PTPRS: variants seen among roughly 807,000 people sequenced by gnomAD.
PTPRS encodes the protein protein tyrosine phosphatase receptor type S.
Under a neutral mutation model 215.3 loss-of-function variants are expected in PTPRS, and 63 were observed. That is an observed-to-expected ratio of 0.29 (90% CI 0.24 to 0.36). The LOEUF (loss-of-function observed/expected upper bound fraction) is 0.36. PTPRS is among the 10% of genes least tolerant of loss of function. The probability of loss-of-function intolerance (pLI) is 1.00; values close to 1 mark genes in which losing one functional copy is unlikely to be tolerated. For synonymous variants in PTPRS, 1,404 were observed against 1,191.4 expected, an observed-to-expected ratio of 1.18 and a Z score of -3.68; for missense variants, 2,258 against 2,825.8, an observed-to-expected ratio of 0.80 and a Z score of 4.56.
chr19:5,313,422 G>A (rs2147167794), intron 1 of PTPRS, among the ~76,000 whole-genome samples: 1 of 152,350 alleles, frequency 6.6e-6, no homozygotes, highest in African/African-American at 2.4e-5. Flanking sequence ...AATCCACGCA[G>A]TCAGCACACA....
chr19:5,266,185 G>A (rs1358386317), intron 4 of PTPRS, among the ~76,000 whole-genome samples: 1 of 151,998 alleles, frequency 6.6e-6, no homozygotes, highest in Non-Finnish European at 1.5e-5. Context: ...CTTGAACCCG[G>A]GAGACGGAGG....
rs183686217 is a variant in PTPRS at position 5,257,279 on chromosome 19, C to T, written c.706+738G>A. 7 of 370,088 alleles carry T rather than the reference C, an allele frequency of 1.9e-5. No homozygotes were observed. The East Asian group carries it at 3.2e-4, about 17-fold the overall frequency. 22.9% of individuals were successfully genotyped at this position (370,088 alleles called of 1,614,324 possible). ...GGGAGGTGCTGGGGCGAGGCCCCCA[C>T]GCTGCTGGGCATGACTGAGTGGGAA... On this transcript the variant is annotated intron_variant, in intron 8 of 37. Transcript: ENST00000262963. This position sits in a 1 kb window ranked among gnomAD's most constrained non-coding sequence, Gnocchi z 4.4.
rs1213773396 is a variant in PTPRS at position 5,271,538 on chromosome 19, T to A, written c.379+1904A>T. ...CCTCAGCCTCCCGAATAGCTGGGAT[T>A]ACAGGTGCCCACCATCACGTTCAGC... On this transcript the variant is annotated intron_variant, in intron 4 of 37. Transcript: ENST00000262963. Among the ~76,000 whole-genome samples the A allele has an allele frequency of 3.3e-5, 5 of 151,730 alleles. No homozygotes were observed. In the East Asian group the frequency reaches 9.7e-4, roughly 29 times the overall value.
At chr19:5,316,974 C>T (rs1160280358) in intron 1 of PTPRS, among the ~76,000 whole-genome samples, 1 of 152,184 alleles carries the variant, frequency 6.6e-6, no homozygotes, top group African/African-American at 2.4e-5. Context: ...CACGCTGAGA[C>T]GTCTGTTCTG....
In PTPRS at chr19:5,271,649, T is replaced by G. The variant is rs928810519; in HGVS notation, c.379+1793A>C. Among the ~76,000 whole-genome samples the G allele has an allele frequency of 2.6e-5, 4 of 151,662 alleles. No individual in the cohort carries two copies. The South Asian group carries it at 8.4e-4, about 32-fold the overall frequency. ...TCCTGACCTCGCGATCTGCCCGCCT[T>G]GGCCTCCCAAAGTGCTGGGATTACC... On this transcript the variant is annotated intron_variant, in intron 4 of 37. Transcript: ENST00000262963.
rs1280422026 is a variant in PTPRS, at chr19:5,223,417, GTCTTA to G, written c.2495-125_2495-121del. ...ATAACATTTTTTTGAGTTGGGGGGG[GTCTTA>G]CTCTGTTGCCCAGCCTGGAGTGCAA... On this transcript the variant is annotated intron_variant, in intron 17 of 37. Transcript: ENST00000262963. 1.2e-5 allele frequency: 14 copies of G among 1,216,904 alleles called. No homozygotes were observed. The East Asian group carries it at 4.3e-4, about 37-fold the overall frequency. The allele number at this position is 1,216,904 out of a possible 1,614,324, so 75.4% of individuals were successfully genotyped here. A position where few individuals can be genotyped will look rare whatever the true frequency, so the allele number is the denominator to read the frequency against.
intron 1 of PTPRS, among the ~76,000 whole-genome samples, chr19:5,331,015 G>A (rs1423887505): frequency 6.6e-6 from 1 of 151,918 alleles, no homozygotes; most frequent in East Asian, 1.9e-4. Context: ...TAAGCGTTCT[G>A]GCCCCGCGAG....
chr19:5,295,131 G>C lies in PTPRS; in HGVS notation c.-94-8897C>G, dbSNP rs2049096347. Among the ~76,000 whole-genome samples the C allele has an allele frequency of 6.6e-6, 1 of 152,300 alleles. No individual in the cohort carries two copies. Among genetic ancestry groups the C allele is most frequent in the Admixed American group, 6.5e-5 (1 of 15,302 alleles). ...TCATACAGACTCGAGTTTGAATCCA[G>C]GGATGCCCCGTGTGTCAAGAAAGCA... On this transcript the variant is annotated intron_variant, in intron 1 of 37. Coordinates refer to ENST00000262963, the MANE Select transcript of PTPRS (RefSeq NM_002850.4). The surrounding 1 kb of genome is among the most constrained non-coding windows in gnomAD (Gnocchi z 4.6).
At chr19:5,301,235 C>T (rs1167030728) in intron 1 of PTPRS, among the ~76,000 whole-genome samples, 2 of 150,266 alleles carry the variant, frequency 1.3e-5, no homozygotes, top group East Asian at 1.9e-4. Context: ...CCGGTCCCCC[C>T]GCCAGGCCCC....
At position 5,274,400 on chromosome 19, in the gene PTPRS, G is replaced by A; in HGVS notation, c.92-56C>T. ...CTGATGGGTCCAGGCATCTGGCTAG[G>A]ATACCAAGGAGCCACGAAAACCTGC... On this transcript the variant is annotated intron_variant, in intron 2 of 37. Coordinates refer to ENST00000262963, the MANE Select transcript of PTPRS (RefSeq NM_002850.4). 1.9e-6 allele frequency: 3 copies of A among 1,543,544 alleles called. No individual in the cohort carries two copies. The South Asian group carries it at 3.6e-5, about 18-fold the overall frequency.
chr19:5,305,057 G>A (rs1441669300), intron 1 of PTPRS, among the ~76,000 whole-genome samples: 1 of 138,864 alleles, frequency 7.2e-6, no homozygotes, highest in East Asian at 2.2e-4. Context: ...GGTAGGAGAA[G>A]GTGGTCTCTC....
chr19:5,252,328 G>A (rs2045174932), intron 9 of PTPRS, among the ~76,000 whole-genome samples: 1 of 152,132 alleles, frequency 6.6e-6, no homozygotes, highest in Admixed American at 6.5e-5. Flanking sequence ...TGCAATCCCA[G>A]CACTTTGGGA....
chr19:5,240,434 G>A, intron 11 of PTPRS, 102 bp from the exon 12 acceptor site: 1 of 1,215,724 alleles, frequency 8.2e-7, no homozygotes, highest in Non-Finnish European at 1.1e-6. Flanking sequence ...AGCTCTGGGT[G>A]CTTCTAGAAT....
chr19:5,255,989 T>TC (rs2045525528), intron 9 of PTPRS, 119 bp downstream of exon 9: 4 of 718,490 alleles, frequency 5.6e-6, no homozygotes, highest in Non-Finnish European at 6.5e-6. Context: ...CTATTTTTTT[T>TC]CCGTGTGTGT....
chr19:5,213,540 G>A (rs2093148595), intron 30 of PTPRS, among the ~76,000 whole-genome samples: 1 of 152,210 alleles, frequency 6.6e-6, no homozygotes, highest in African/African-American at 2.4e-5. Flanking sequence ...TGTGGTCTGT[G>A]TCTTGTCTAC....
chr19:5,312,156 C>A (rs1391441355), intron 1 of PTPRS, among the ~76,000 whole-genome samples: 5 of 151,936 alleles, frequency 3.3e-5, no homozygotes, highest in Non-Finnish European at 7.4e-5. Flanking sequence ...AAGAGAGAGA[C>A]AAATGGGCAT....
At chr19:5,329,907 T>C (rs2050270764) in intron 1 of PTPRS, among the ~76,000 whole-genome samples, 1 of 151,792 alleles carries the variant, frequency 6.6e-6, no homozygotes, top group Non-Finnish European at 1.5e-5. Context: ...TGAAACTCTG[T>C]CTCTACCAAA....
At chr19:5,323,888 G>A (rs183584188) in intron 1 of PTPRS, among the ~76,000 whole-genome samples, 7 of 152,342 alleles carry the variant, frequency 4.6e-5, no homozygotes, top group African/African-American at 1.4e-4. Flanking sequence ...TGTTGGTCCA[G>A]GTGATGATGG....
At chr19:5,299,429 C>T (rs2049236519) in intron 1 of PTPRS, among the ~76,000 whole-genome samples, 6 of 152,260 alleles carry the variant, frequency 3.9e-5, no homozygotes, top group Admixed American at 3.9e-4. Flanking sequence ...TCTTCTCACC[C>T]TTCCATTCTC....
Sources: gnomAD v4.1 joint callset for allele counts (sites outside exome capture counted in the v4.1 genomes callset) on GRCh38, gnomAD v4.1.1 for gene constraint, Gnocchi (gnomAD v3.1) non-coding constraint, MANE v1.5 for transcripts, NCBI Gene and HGNC (gene_info 2026-07-23, HGNC 2026-07-21) for gene names.